Variants in KCNQ1 observed in about 807,000 individuals in gnomAD.
KCNQ1 encodes potassium voltage-gated channel subfamily KQT member 1.
A neutral mutation model predicts 72.4 loss-of-function variants in KCNQ1; 49 were observed. That is an observed-to-expected ratio of 0.68 (90% CI 0.54 to 0.86). The LOEUF is 0.86. KCNQ1 is among the 40% of genes least tolerant of loss of function. The pLI is 0.00. For missense variants in KCNQ1, 790 were observed against 945.1 expected (o/e 0.84, Z 2.15); for synonymous variants, 450 against 412.6 (o/e 1.09, Z -1.10).
Position 2,592,343 on chromosome 11 carries a change from G to A in KCNQ1, c.1393+3489G>A, listed in dbSNP as rs1848681523. 6.6e-6 allele frequency among the ~76,000 whole-genome samples: 1 copy of A among 152,242 alleles called. No homozygotes were observed. Among genetic ancestry groups the A allele is most frequent in the African/African-American group, 2.4e-5 (1 of 41,460 alleles). On this transcript the variant is annotated intron_variant, in intron 10 of 15. Transcript: ENST00000155840. The surrounding 1 kb of genome is among the most constrained non-coding windows in gnomAD (Gnocchi z 5.2). Reference sequence around the variant, plus strand: ...GCAGTGGCAGACCTCAGGGGAGGGAGGCTGGGAAGGTAGAAGGTCCCCCAT... The same window carrying A: ...GCAGTGGCAGACCTCAGGGGAGGGAAGCTGGGAAGGTAGAAGGTCCCCCAT...
At chr11:2,561,765 C>T (rs1848170705) in intron 2 of KCNQ1, among the ~76,000 whole-genome samples, 1 of 152,202 alleles carries the variant, frequency 6.6e-6, no homozygotes, top group South Asian at 2.1e-4. Context: ...ACTCCCAGTG[C>T]CACCCCTGGC....
rs542103187 is a variant in KCNQ1, at chr11:2,833,866, C to T, written c.1795-13901C>T. On this transcript the variant is annotated intron_variant, in intron 15 of 15. Coordinates refer to ENST00000155840, the MANE Select transcript of KCNQ1 (RefSeq NM_000218.3). ...GCCGTTCCGACAGGCTGAGGAGCGG[C>T]GGGGAGCGGGGCTTGCCAAATATGT... Among the ~76,000 whole-genome samples, 900 of 152,292 alleles carry T rather than the reference C, an allele frequency of 5.9e-3. 10 individuals carry two copies. Among genetic ancestry groups the T allele is most frequent in the African/African-American group, 0.02 (852 of 41,564 alleles).
intron 11 of KCNQ1, among the ~76,000 whole-genome samples, chr11:2,707,706 A>G (rs1374291795): frequency 6.6e-6 from 1 of 152,202 alleles, no homozygotes; most frequent in Non-Finnish European, 1.5e-5. Context: ...CACTGTAGAG[A>G]TGGGAAAACT....
chr11:2,833,137 G>T (rs192128254), intron 15 of KCNQ1, among the ~76,000 whole-genome samples: 23 of 152,294 alleles, frequency 1.5e-4, no homozygotes, highest in African/African-American at 5.3e-4. Context: ...GGGAGAACAT[G>T]CTGGGTAGGG....
At chr11:2,714,446 C>G (rs1295812781) in intron 11 of KCNQ1, among the ~76,000 whole-genome samples, 1 of 152,220 alleles carries the variant, frequency 6.6e-6, no homozygotes, top group Non-Finnish European at 1.5e-5. Context: ...AGCCCCTCTG[C>G]CATCAGTGAG....
chr11:2,694,446 A>T, intron 11 of KCNQ1: 1 of 398,668 alleles, frequency 2.5e-6, no homozygotes, highest in Non-Finnish European at 4.4e-6. Context: ...CTTACAATAT[A>T]AATGACAGCC....
intron 1 of KCNQ1, among the ~76,000 whole-genome samples, chr11:2,510,114 A>T (rs1475302525): frequency 6.6e-6 from 1 of 151,802 alleles, no homozygotes; most frequent in East Asian, 1.9e-4. Flanking sequence ...TAAAAAAAAA[A>T]ATTAAAATAT....
intron 10 of KCNQ1, chr11:2,615,291 C>G: frequency 2.5e-6 from 1 of 398,070 alleles, no homozygotes; most frequent in Non-Finnish European, 4.4e-6. Flanking sequence ...ATTAGCTCTA[C>G]TAGTTTGTGG....
chr11:2,702,306 G>A (rs969072529), intron 11 of KCNQ1, among the ~76,000 whole-genome samples: 32 of 152,212 alleles, frequency 2.1e-4, no homozygotes, highest in Admixed American at 1.2e-3. Context: ...AGATGGAGGA[G>A]GTAGCCTGGT....
Position 2,661,998 on chromosome 11 carries a change from C to T in KCNQ1, c.1431C>T (p.Pro477=), listed in dbSNP as rs137887424. The T allele has an allele frequency of 8.4e-5, 136 of 1,614,212 alleles. 2 individuals carry two copies. In the African/African-American group the frequency reaches 1.7e-3, roughly 21 times the overall value. ...CAACACTGCTGGAAGTGAGCATGCCCCATTTCATGAGAACCAACAGCTTCG... is the reference window on the plus strand; with the variant it reads ...CAACACTGCTGGAAGTGAGCATGCCTCATTTCATGAGAACCAACAGCTTCG... ...KSPTLLEVSM[P]HFMRTNSFAE... Residue 477 remains proline (P), a synonymous_variant, in exon 11 of 16, where the codon CCC becomes CCT. Coordinates refer to ENST00000155840, the MANE Select transcript of KCNQ1 (RefSeq NM_000218.3). This position sits in a 1 kb window ranked among gnomAD's most constrained non-coding sequence, Gnocchi z 5.9.
At chr11:2,532,317 T>C (rs1247976909) in intron 2 of KCNQ1, among the ~76,000 whole-genome samples, 4 of 152,222 alleles carry the variant, frequency 2.6e-5, no homozygotes, top group Admixed American at 2.6e-4. Context: ...AGGCCAGAGT[T>C]GCCCAGCGAG....
chr11:2,606,049 A>G (rs935736917), intron 10 of KCNQ1, among the ~76,000 whole-genome samples: 4 of 152,266 alleles, frequency 2.6e-5, no homozygotes, highest in Non-Finnish European at 5.9e-5. Flanking sequence ...AAATATACAT[A>G]AAATCTACTA....
rs138680301 is a variant in KCNQ1, at chr11:2,593,569, G to A, written c.1393+4715G>A. Among the ~76,000 whole-genome samples the A allele has an allele frequency of 2.1e-3, 321 of 152,306 alleles. 3 individuals carry two copies. Among genetic ancestry groups the A allele is most frequent in the Middle Eastern group, 0.017 (5 of 294 alleles). On this transcript the variant is annotated intron_variant, in intron 10 of 15. Coordinates refer to ENST00000155840, the MANE Select transcript of KCNQ1 (RefSeq NM_000218.3). This position sits in a 1 kb window ranked among gnomAD's most constrained non-coding sequence, Gnocchi z 6.9. ...ACCTGGGACTATTGTGTGGTTTCCCGTTTGTGAAGTGGGGCAGCGTGCTGG... is the reference window on the plus strand; with the variant it reads ...ACCTGGGACTATTGTGTGGTTTCCCATTTGTGAAGTGGGGCAGCGTGCTGG...
intron 8 of KCNQ1, among the ~76,000 whole-genome samples, chr11:2,587,218 T>C (rs143860583): frequency 4.1e-4 from 63 of 152,334 alleles, no homozygotes; most frequent in Non-Finnish European, 8.4e-4. Context: ...CTATGCACGC[T>C]GTGTACCCTG....
chr11:2,749,841 G>T, intron 11 of KCNQ1, among the ~76,000 whole-genome samples: 1 of 151,458 alleles, frequency 6.6e-6, no homozygotes, highest in Non-Finnish European at 1.5e-5. Context: ...AGCTGGATGT[G>T]GTGGTGGACG....
At position 2,723,030 on chromosome 11, in the gene KCNQ1, A is replaced by G. The variant is rs1008836540; in HGVS notation, c.1515-45814A>G. 6.6e-6 allele frequency among the ~76,000 whole-genome samples: 1 copy of G among 152,218 alleles called. No individual in the cohort carries two copies. Among genetic ancestry groups the G allele is most frequent in the African/African-American group, 2.4e-5 (1 of 41,454 alleles). ...CACCCTTGTGGGCCAGCTGCGGCCC[A>G]AAAGCCTCCTGGCCTCCATTCCCGT... On this transcript the variant is annotated intron_variant, in intron 11 of 15. Transcript: ENST00000155840. This position sits in a 1 kb window ranked among gnomAD's most constrained non-coding sequence, Gnocchi z 4.2.
intron 13 of KCNQ1, 44 bp downstream of exon 13, chr11:2,776,098 C>T (rs1219255389): frequency 6.8e-7 from 1 of 1,461,856 alleles, no homozygotes; most frequent in East Asian, 2.5e-5. Flanking sequence ...CCAGGTCCTG[C>T]CCAGCCCGGC....
chr11:2,831,892 C>T (rs891857942), intron 15 of KCNQ1, among the ~76,000 whole-genome samples: 6 of 152,110 alleles, frequency 3.9e-5, no homozygotes, highest in Non-Finnish European at 7.4e-5. Context: ...ATGCCTGACT[C>T]AGCCCCTGGC....
rs1342376286 is a variant in KCNQ1 at position 2,658,473 on chromosome 11, C to T, written c.1394-3488C>T. 2 of 398,384 alleles carry T rather than the reference C, an allele frequency of 5.0e-6. No homozygotes were observed. Among genetic ancestry groups the T allele is most frequent in the Non-Finnish European group, 4.4e-6 (1 of 226,042 alleles). 24.7% of individuals were successfully genotyped at this position (398,384 alleles called of 1,614,324 possible). On this transcript the variant is annotated intron_variant, in intron 10 of 15. Coordinates refer to ENST00000155840, the MANE Select transcript of KCNQ1 (RefSeq NM_000218.3). This position sits in a 1 kb window ranked among gnomAD's most constrained non-coding sequence, Gnocchi z 4.9. Reference sequence around the variant, plus strand: ...TCCTTTTGATGTGCCCCCCGCCATCCTTTTCATTTATTTTTAAGCATTTCT... The same window carrying T: ...TCCTTTTGATGTGCCCCCCGCCATCTTTTTCATTTATTTTTAAGCATTTCT...
Sources: allele counts gnomAD v4.1 joint callset (sites outside exome capture counted in the v4.1 genomes callset), GRCh38; gene constraint gnomAD v4.1.1; non-coding constraint Gnocchi (gnomAD v3.1); transcripts MANE v1.5; gene names NCBI Gene and HGNC (gene_info 2026-07-23, HGNC 2026-07-21).